Variants in PLCB1 observed in about 807,000 individuals in gnomAD.
The protein encoded by PLCB1 is 1-phosphatidylinositol 4,5-bisphosphate phosphodiesterase beta-1.
In PLCB1, 46 loss-of-function variants were observed where a neutral mutation model predicts 161.8. That is an observed-to-expected ratio of 0.28 (90% CI 0.22 to 0.36). The LOEUF is 0.36. Among genes scored for constraint, PLCB1 ranks in the 10% least tolerant of loss-of-function variants. The pLI is 1.00. For synonymous variants in PLCB1, 517 were observed against 503.7 expected (o/e 1.03, Z -0.35); for missense variants, 1,016 against 1,472.5 (o/e 0.69, Z 5.07).
At chr20:8,405,797 GT>G (rs1568663915) in intron 3 of PLCB1, among the ~76,000 whole-genome samples, 2 of 152,134 alleles carry the variant, frequency 1.3e-5, no homozygotes, top group African/African-American at 4.8e-5. Flanking sequence ...AGATGATCAT[GT>G]TAATACTGTC....
At chr20:8,365,290 A>G (rs1019053333) in intron 2 of PLCB1, among the ~76,000 whole-genome samples, 1 of 152,218 alleles carries the variant, frequency 6.6e-6, no homozygotes, top group Non-Finnish European at 1.5e-5. Flanking sequence ...TCCTACTTCT[A>G]TGAAATTTGC....
At chr20:8,607,625 C>T (rs973919496) in intron 3 of PLCB1, among the ~76,000 whole-genome samples, 2 of 152,148 alleles carry the variant, frequency 1.3e-5, no homozygotes, top group African/African-American at 4.8e-5. Context: ...TGTTCCTACC[C>T]CAATCCACTC....
intron 9 of PLCB1, among the ~76,000 whole-genome samples, chr20:8,667,538 CA>C (rs1989843197): frequency 6.6e-6 from 1 of 152,216 alleles, no homozygotes; most frequent in African/African-American, 2.4e-5. Flanking sequence ...TGAGGAAAGG[CA>C]AAGGCCTGGC....
At chr20:8,815,320 G>T (rs867427811) in intron 31 of PLCB1, among the ~76,000 whole-genome samples, 1 of 152,180 alleles carries the variant, frequency 6.6e-6, no homozygotes, top group Non-Finnish European at 1.5e-5. Flanking sequence ...CCTTAATAGA[G>T]GATTTTCCCA....
rs1988000241 is a variant in PLCB1 at position 8,881,752 on chromosome 20, C to G, written c.3554C>G (p.Ser1185Cys). The G allele has an allele frequency of 1.2e-6, 2 of 1,614,064 alleles. No homozygotes were observed. Among genetic ancestry groups the G allele is most frequent in the Non-Finnish European group, 1.7e-6 (2 of 1,179,960 alleles). ...AGCAATCACGGTTCTGCCCCTCTCT[C>G]CCTGTCCTCAGACCCTGGAAAAGTG... Reference protein sequence around the residue: ...EDSNHGSAPLSLSSDPGKVNH... With the variant: ...EDSNHGSAPLCLSSDPGKVNH... Residue 1185 changes from serine to cysteine, a missense_variant, in exon 32 of 32, where the codon TCC becomes TGC. Around this residue, in one of 10 missense-constraint regions of PLCB1, gnomAD observed 398 missense variants for 445.4 expected, o/e 0.89. Coordinates refer to ENST00000338037, the MANE Select transcript of PLCB1 (RefSeq NM_015192.4).
At chr20:8,398,759 AT>A (rs1259181717) in intron 3 of PLCB1, among the ~76,000 whole-genome samples, 2 of 151,350 alleles carry the variant, frequency 1.3e-5, no homozygotes, top group East Asian at 3.9e-4. Context: ...CATTTGCATA[AT>A]TTGCACTTTT....
chr20:8,819,663 C>T (rs1000373290), intron 31 of PLCB1, among the ~76,000 whole-genome samples: 28 of 152,078 alleles, frequency 1.8e-4, no homozygotes, highest in Admixed American at 8.5e-4. Context: ...GGACCCACCC[C>T]GCCCAGATAC....
intron 9 of PLCB1, among the ~76,000 whole-genome samples, chr20:8,674,557 C>T (rs1043073894): frequency 6.6e-6 from 1 of 152,144 alleles, no homozygotes; most frequent in Non-Finnish European, 1.5e-5. Context: ...CTTGAGTGGA[C>T]CGAGGAGGAA....
chr20:8,395,233 A>G (rs1470381792), intron 3 of PLCB1, among the ~76,000 whole-genome samples: 1 of 152,076 alleles, frequency 6.6e-6, no homozygotes, highest in Non-Finnish European at 1.5e-5. Context: ...ATAAATCTCT[A>G]CTGTCGAAAG....
intron 2 of PLCB1, among the ~76,000 whole-genome samples, chr20:8,302,753 A>G (rs1983965222): frequency 6.6e-6 from 1 of 151,904 alleles, no homozygotes; most frequent in Admixed American, 6.6e-5. Flanking sequence ...CCCTTCATTT[A>G]TCTATATACA....
At chr20:8,675,031 T>C (rs1315737332) in intron 9 of PLCB1, among the ~76,000 whole-genome samples, 1 of 152,142 alleles carries the variant, frequency 6.6e-6, no homozygotes, top group African/African-American at 2.4e-5. Context: ...TGAATTCAAA[T>C]TGCAACTTTA....
chr20:8,880,158 G>A (rs6086679), intron 31 of PLCB1, among the ~76,000 whole-genome samples: 1 of 152,180 alleles, frequency 6.6e-6, no homozygotes, highest in Admixed American at 6.5e-5. Context: ...AAGCTAATAA[G>A]GAGGTGTGGG....
chr20:8,787,383 C>G (rs1440907748), intron 27 of PLCB1, among the ~76,000 whole-genome samples: 1 of 152,238 alleles, frequency 6.6e-6, no homozygotes, highest in African/African-American at 2.4e-5. Context: ...CTCCCTTATA[C>G]TTGGCTGTCT....
chr20:8,148,411 C>G (rs2051476394), intron 1 of PLCB1, among the ~76,000 whole-genome samples: 1 of 152,212 alleles, frequency 6.6e-6, no homozygotes. Context: ...AGCTGAAGTT[C>G]CTTGCAACAG....
At chr20:8,512,173 T>G (rs1261326211) in intron 3 of PLCB1, among the ~76,000 whole-genome samples, 1 of 152,190 alleles carries the variant, frequency 6.6e-6, no homozygotes, top group Non-Finnish European at 1.5e-5. Flanking sequence ...TGTAGTTTTA[T>G]TCGTAAATCT....
chr20:8,520,216 C>T (rs565632041), intron 3 of PLCB1, among the ~76,000 whole-genome samples: 1 of 152,238 alleles, frequency 6.6e-6, no homozygotes, highest in South Asian at 2.1e-4. Context: ...GTAAAAACAA[C>T]AGAAGTAAAG....
intron 2 of PLCB1, among the ~76,000 whole-genome samples, chr20:8,214,875 G>T (rs185964142): frequency 6.6e-6 from 1 of 151,784 alleles, no homozygotes; most frequent in Non-Finnish European, 1.5e-5. Flanking sequence ...AGTTATTTGC[G>T]GGGACTGTTT....
intron 3 of PLCB1, among the ~76,000 whole-genome samples, chr20:8,542,804 A>G (rs1452755780): frequency 6.6e-6 from 1 of 152,220 alleles, no homozygotes; most frequent in African/African-American, 2.4e-5. Context: ...ACTGAAGCCG[A>G]GGGACGTTAA....
In PLCB1 at chr20:8,372,619, G is replaced by A. The variant is rs147248972; in HGVS notation, c.246+1169G>A. ...TTTACATTTATCTCCTTAGTAACATGGAATTTCAATAGTTTAGCCTCTCAG... is the reference window on the plus strand; with the variant it reads ...TTTACATTTATCTCCTTAGTAACATAGAATTTCAATAGTTTAGCCTCTCAG... On this transcript the variant is annotated intron_variant, in intron 3 of 31. Transcript: ENST00000338037. Among the ~76,000 whole-genome samples the A allele has an allele frequency of 6.5e-3, 982 of 152,168 alleles. 5 individuals are homozygous for A. Among genetic ancestry groups the A allele is most frequent in the Non-Finnish European group, 8.7e-3 (592 of 67,990 alleles).
Sources: gnomAD v4.1 joint callset for allele counts (sites outside exome capture counted in the v4.1 genomes callset) on GRCh38, gnomAD v4.1.1 for gene constraint, gnomAD v4.1.1 regional missense constraint, MANE v1.5 for transcripts, NCBI Gene and HGNC (gene_info 2026-07-23, HGNC 2026-07-21) for gene names.